The following CUX1 variants were observed in gnomAD, a reference collection of about 807,000 sequenced individuals.
The protein encoded by CUX1 is cut like homeobox 1.
A neutral mutation model predicts 158.8 loss-of-function variants in CUX1; 31 were observed. That is an observed-to-expected ratio of 0.20 (90% CI 0.15 to 0.26). The LOEUF (loss-of-function observed/expected upper bound fraction) is 0.26, where lower values mean the gene tolerates loss of function less well. CUX1 is among the 10% of genes least tolerant of loss of function. The pLI, the probability that CUX1 is intolerant of heterozygous loss-of-function variation, is 1.00. For synonymous variants in CUX1, 879 were observed against 862.1 expected, an observed-to-expected ratio of 1.02 and a Z score of -0.34; for missense variants, 1,589 against 2,014.6, an observed-to-expected ratio of 0.79 and a Z score of 4.04.
intron 1 of CUX1, among the ~76,000 whole-genome samples, chr7:101,857,023 C>T (rs1796921081): frequency 6.6e-6 from 1 of 152,200 alleles, no homozygotes; most frequent in Non-Finnish European, 1.5e-5. Context: ...TGCCCAGCTC[C>T]GGTTCCTGTT....
At chr7:102,186,051 G>A (rs531853989) in intron 11 of CUX1, among the ~76,000 whole-genome samples, 15 of 152,310 alleles carry the variant, frequency 9.8e-5, no homozygotes, top group Admixed American at 2.6e-4. Flanking sequence ...GGAAACTGGC[G>A]TGCCTGTCGC....
chr7:102,072,417 G>A (rs1826229655), intron 4 of CUX1, among the ~76,000 whole-genome samples: 2 of 152,198 alleles, frequency 1.3e-5, no homozygotes, highest in Admixed American at 1.3e-4. Flanking sequence ...ACCAATCAGA[G>A]GCTAAATTGA....
At chr7:102,184,118 G>A (rs912597300) in intron 11 of CUX1, among the ~76,000 whole-genome samples, 6 of 152,136 alleles carry the variant, frequency 3.9e-5, no homozygotes, top group Non-Finnish European at 5.9e-5. Flanking sequence ...GGCTGGTGTC[G>A]AACTCCTGGG....
At chr7:102,077,980 A>G (rs1215715786) in intron 4 of CUX1, among the ~76,000 whole-genome samples, 3 of 151,914 alleles carry the variant, frequency 2.0e-5, no homozygotes, top group Non-Finnish European at 4.4e-5. Context: ...AATAGGCCTT[A>G]TTAATGTATT....
intron 1 of CUX1, among the ~76,000 whole-genome samples, chr7:101,867,514 A>C (rs541296510): frequency 6.6e-6 from 1 of 152,120 alleles, no homozygotes; most frequent in African/African-American, 2.4e-5. Flanking sequence ...TGTGGCTTCA[A>C]CCAGGTCACC....
At chr7:102,045,077 G>T (rs1014962825) in intron 3 of CUX1, among the ~76,000 whole-genome samples, 6 of 152,272 alleles carry the variant, frequency 3.9e-5, no homozygotes, top group African/African-American at 1.4e-4. Context: ...GGCAAAACCC[G>T]CAAGCCTGAC....
chr7:101,943,508 A>G (rs115212475), intron 2 of CUX1, among the ~76,000 whole-genome samples: 3,344 of 151,900 alleles, frequency 0.022, 121 homozygotes, highest in African/African-American at 0.072. Context: ...CGTCAGTGCT[A>G]CTTTCAGCGT....
chr7:102,034,145 CAAAAAA>C lies in CUX1; in HGVS notation c.189+6017_189+6022del, dbSNP rs10655613. Among the ~76,000 whole-genome samples the C allele has an allele frequency of 1.4e-4, 7 of 48,624 alleles. 1 individual carries two copies. The highest frequency in any genetic ancestry group is 2.8e-4 in the African/African-American group (3 of 10,780). The allele number at this position is 48,624 out of a possible 152,430, so 31.9% of individuals were successfully genotyped here. ...CAGGTGACAGAGCGAGACTCCATCT[CAAAAAA>C]AAAAAAAAAAAAAAAAGTCAGTCTT... On this transcript the variant is annotated intron_variant, in intron 3 of 23. Coordinates refer to ENST00000292535, the MANE Select transcript of CUX1 (RefSeq NM_181552.4).
chr7:101,861,016 C>T (rs1295853590), intron 1 of CUX1, among the ~76,000 whole-genome samples: 2 of 152,132 alleles, frequency 1.3e-5, no homozygotes, highest in East Asian at 3.9e-4. Context: ...GAACTGGCCT[C>T]AAGCGATCCT....
intron 6 of CUX1, among the ~76,000 whole-genome samples, chr7:102,108,172 T>G (rs999760030): frequency 6.6e-6 from 1 of 152,166 alleles, no homozygotes. Flanking sequence ...ATATTAATAA[T>G]AGTTATGGAG....
At chr7:102,282,837 C>T (rs1427044242) in intron 22 of CUX1, 1 of 1,283,402 alleles carries the variant, frequency 7.8e-7, no homozygotes, top group South Asian at 1.2e-5. Flanking sequence ...ACCCCCGCAA[C>T]ACCCCCGAGT....
In CUX1 at chr7:102,201,639, C is replaced by A. The variant is rs782424046; in HGVS notation, c.2342C>A (p.Pro781His). The change falls in exon 18 of 24, where the codon CCC (proline) becomes CAC (histidine). Residue 781 changes from proline to histidine, a missense_variant. Pro to His is a moderately conservative substitution (Grantham distance 77). This residue lies in a region of CUX1 where 337 missense variants were observed against 409.3 expected (regional missense o/e 0.82). Transcript: ENST00000292535. The surrounding 1 kb of genome is among the most constrained non-coding windows in gnomAD (Gnocchi z 5.0). ...GCCGGTGCCTCTGCTCTGCCGAACC[C>A]CCCGGCCCTCAAAAAGGAGGCCCAG... ...PEAGASALPNPPALKKEAQDA... is the reference protein window; with the variant it reads ...PEAGASALPNHPALKKEAQDA... 3.7e-6 allele frequency: 6 copies of A among 1,613,672 alleles called. No homozygotes were observed. Among genetic ancestry groups the A allele is most frequent in the Non-Finnish European group, 4.2e-6 (5 of 1,179,902 alleles).
chr7:102,231,774 C>A (rs1799031030), intron 21 of CUX1, among the ~76,000 whole-genome samples: 1 of 147,402 alleles, frequency 6.8e-6, no homozygotes, highest in Admixed American at 6.9e-5. Context: ...AGTGCAGTGG[C>A]ACGATCTCGG....
chr7:102,090,051 G>C (rs1158521004), intron 4 of CUX1, among the ~76,000 whole-genome samples: 6 of 152,196 alleles, frequency 3.9e-5, no homozygotes, highest in Non-Finnish European at 7.3e-5. Flanking sequence ...TTGAGTATCA[G>C]TAGATCTGTC....
At chr7:101,832,642 G>A (rs1794176573) in intron 1 of CUX1, among the ~76,000 whole-genome samples, 2 of 152,158 alleles carry the variant, frequency 1.3e-5, no homozygotes, top group Non-Finnish European at 2.9e-5. Context: ...CTGGTTTCAT[G>A]ATGTAATTCT....
intron 10 of CUX1, among the ~76,000 whole-genome samples, chr7:102,171,007 A>G (rs113211017): frequency 2.6e-5 from 4 of 152,146 alleles, no homozygotes; most frequent in African/African-American, 9.7e-5. Context: ...TAATAAAATA[A>G]CATTCTGCAC....
In CUX1 at chr7:102,096,983, T is replaced by G. The variant is rs539505452; in HGVS notation, c.269-381T>G. ...ACATCCCGGCACCTGTCCACGGACT[T>G]GTCCGTCCTCCACGTGCAGCTCCGG... On this transcript the variant is annotated intron_variant, in intron 4 of 23. Transcript: ENST00000292535. Among the ~76,000 whole-genome samples the G allele has an allele frequency of 3.3e-5, 5 of 152,316 alleles. No homozygotes were observed. In the South Asian group the frequency reaches 8.3e-4, roughly 25 times the overall value.
At chr7:101,902,261 C>G (rs1263729854) in intron 1 of CUX1, among the ~76,000 whole-genome samples, 2 of 152,220 alleles carry the variant, frequency 1.3e-5, no homozygotes, top group Non-Finnish European at 2.9e-5. Context: ...GGTCAGTCAT[C>G]TGATCATCAG....
intron 4 of CUX1, among the ~76,000 whole-genome samples, chr7:102,090,871 A>G (rs1554482026): frequency 6.6e-6 from 1 of 152,338 alleles, no homozygotes; most frequent in Non-Finnish European, 1.5e-5. Flanking sequence ...TCACGGCAGC[A>G]CCATGACATA....
Sources: allele counts gnomAD v4.1 joint callset (sites outside exome capture counted in the v4.1 genomes callset), GRCh38; gene constraint gnomAD v4.1.1; regional missense constraint gnomAD v4.1.1; non-coding constraint Gnocchi (gnomAD v3.1); transcripts MANE v1.5; gene names NCBI Gene and HGNC (gene_info 2026-07-23, HGNC 2026-07-21).